LRRC4C: variants seen among roughly 807,000 people sequenced by gnomAD.
LRRC4C encodes leucine-rich repeat-containing protein 4C.
In LRRC4C, 5 loss-of-function variants were observed where a neutral mutation model predicts 33.6. The observed-to-expected ratio is 0.15, with a 90% CI of 0.08 to 0.31. The LOEUF (loss-of-function observed/expected upper bound fraction) is 0.31. LRRC4C is among the 10% of genes least tolerant of loss of function. The pLI, the probability that LRRC4C is intolerant of heterozygous loss-of-function variation, is 1.00. For missense variants in LRRC4C, 560 were observed against 796.7 expected, an observed-to-expected ratio of 0.70 and a Z score of 3.58; for synonymous variants, 329 against 302.0, an observed-to-expected ratio of 1.09 and a Z score of -0.93.
chr11:40,928,535 A>T (rs1278271066), intron 2 of LRRC4C, among the ~76,000 whole-genome samples: 2 of 152,014 alleles, frequency 1.3e-5, no homozygotes, highest in African/African-American at 4.8e-5. Context: ...TCTTTCATTA[A>T]GTAATAATAG....
intron 3 of LRRC4C, among the ~76,000 whole-genome samples, chr11:40,435,067 G>A (rs1179586671): frequency 6.6e-6 from 1 of 152,170 alleles, no homozygotes; most frequent in Non-Finnish European, 1.5e-5. Flanking sequence ...TGAGTGTCAG[G>A]AAAGCTAAAC....
intron 4 of LRRC4C, among the ~76,000 whole-genome samples, chr11:40,294,856 A>T (rs191955269): frequency 3.4e-4 from 51 of 152,226 alleles, no homozygotes; most frequent in East Asian, 5.8e-4. Context: ...AATAAATAAA[A>T]AAAAAGAATA....
At chr11:40,343,244 C>A (rs994595051) in intron 3 of LRRC4C, among the ~76,000 whole-genome samples, 1 of 152,024 alleles carries the variant, frequency 6.6e-6, no homozygotes, top group Non-Finnish European at 1.5e-5. Flanking sequence ...ATCTGGATAG[C>A]AGAAATCTAG....
intron 5 of LRRC4C, among the ~76,000 whole-genome samples, chr11:40,200,285 A>C (rs1359124329): frequency 3.3e-5 from 5 of 149,730 alleles, no homozygotes; most frequent in Non-Finnish European, 5.9e-5. Flanking sequence ...AATTGCTTGA[A>C]TGTGGAAGGT....
At chr11:41,247,629 T>C (rs1289749698) in intron 1 of LRRC4C, among the ~76,000 whole-genome samples, 1 of 152,180 alleles carries the variant, frequency 6.6e-6, no homozygotes, top group East Asian at 1.9e-4. Flanking sequence ...AGAGTGCCTA[T>C]GTGAGAAGGA....
At chr11:40,684,349 G>A (rs543803874) in intron 2 of LRRC4C, among the ~76,000 whole-genome samples, 12 of 151,986 alleles carry the variant, frequency 7.9e-5, no homozygotes, top group South Asian at 2.1e-4. Context: ...AAAACTAAAT[G>A]TACGCATTAA....
intron 1 of LRRC4C, among the ~76,000 whole-genome samples, chr11:41,225,033 C>A (rs1947467910): frequency 6.6e-6 from 1 of 152,156 alleles, no homozygotes; most frequent in African/African-American, 2.4e-5. Flanking sequence ...CACAGAAAGA[C>A]AAACATCACA....
intron 1 of LRRC4C, among the ~76,000 whole-genome samples, chr11:41,330,253 T>C (rs1014266793): frequency 1.3e-5 from 2 of 152,190 alleles, no homozygotes; most frequent in Admixed American, 6.5e-5. Flanking sequence ...ATACATATCT[T>C]TTTTGTTACA....
At chr11:40,406,263 T>A (rs1300697585) in intron 3 of LRRC4C, among the ~76,000 whole-genome samples, 1 of 152,154 alleles carries the variant, frequency 6.6e-6, no homozygotes, top group African/African-American at 2.4e-5. Context: ...CTTAGAGGCC[T>A]AAGTTTAATT....
At chr11:41,086,868 G>T (rs2135520668) in intron 1 of LRRC4C, among the ~76,000 whole-genome samples, 1 of 150,736 alleles carries the variant, frequency 6.6e-6, no homozygotes, top group Non-Finnish European at 1.5e-5. Context: ...TAATAAGTCT[G>T]CAGGGAAATA....
At chr11:40,440,062 G>A (rs182956282) in intron 3 of LRRC4C, among the ~76,000 whole-genome samples, 9 of 152,340 alleles carry the variant, frequency 5.9e-5, no homozygotes, top group Admixed American at 2.6e-4. Flanking sequence ...AGTCTGGCCT[G>A]CATAGTCAAA....
intron 1 of LRRC4C, among the ~76,000 whole-genome samples, chr11:41,129,919 A>C (rs1005775912): frequency 6.6e-6 from 1 of 151,960 alleles, no homozygotes; most frequent in Non-Finnish European, 1.5e-5. Context: ...CTGTAACTGT[A>C]TATGATTACA....
chr11:40,362,472 C>T (rs1319725525), intron 3 of LRRC4C, among the ~76,000 whole-genome samples: 1 of 152,152 alleles, frequency 6.6e-6, no homozygotes, highest in African/African-American at 2.4e-5. Context: ...GTAATCCCAG[C>T]ACTTTGGGAG....
intron 1 of LRRC4C, among the ~76,000 whole-genome samples, chr11:41,049,637 A>G (rs1206683570): frequency 6.6e-6 from 1 of 152,210 alleles, no homozygotes; most frequent in African/African-American, 2.4e-5. Context: ...GAGTTAAGAC[A>G]AAGAGAAGCG....
intron 1 of LRRC4C, among the ~76,000 whole-genome samples, chr11:41,164,076 A>T (rs1362013486): frequency 6.6e-6 from 1 of 152,192 alleles, no homozygotes; most frequent in Non-Finnish European, 1.5e-5. Context: ...TCAATTATTT[A>T]ACTCTATGAC....
chr11:41,317,300 A>G (rs561562010), intron 1 of LRRC4C, among the ~76,000 whole-genome samples: 1 of 152,060 alleles, frequency 6.6e-6, no homozygotes, highest in South Asian at 2.1e-4. Context: ...ATTTCAAATG[A>G]TAAGTGGAAA....
intron 2 of LRRC4C, among the ~76,000 whole-genome samples, chr11:40,759,655 C>T (rs11036065): frequency 0.037 from 5,648 of 151,950 alleles, 344 homozygotes; most frequent in African/African-American, 0.13. Flanking sequence ...TAGAGTGAGA[C>T]GGTCTGGAGT....
chr11:40,614,855 T>A (rs1397988277), intron 3 of LRRC4C, among the ~76,000 whole-genome samples: 1 of 151,678 alleles, frequency 6.6e-6, no homozygotes, highest in Non-Finnish European at 1.5e-5. Context: ...ACACAACATT[T>A]GTCAATTAAG....
intron 3 of LRRC4C, among the ~76,000 whole-genome samples, chr11:40,362,714 T>C (rs1290101959): frequency 6.6e-6 from 1 of 151,998 alleles, no homozygotes; most frequent in African/African-American, 2.4e-5. Context: ...TGAGACTCAG[T>C]CTCAATCAAT....
Sources: gnomAD v4.1 joint callset for allele counts (sites outside exome capture counted in the v4.1 genomes callset) on GRCh38, gnomAD v4.1.1 for gene constraint, MANE v1.5 for transcripts, NCBI Gene and HGNC (gene_info 2026-07-23, HGNC 2026-07-21) for gene names.